Variants in GMDS observed in about 807,000 individuals in gnomAD.
GMDS encodes GDP-mannose 4,6 dehydratase.
Under a neutral mutation model 49.9 loss-of-function variants are expected in GMDS, and 20 were observed. The ratio of observed to expected loss-of-function variants is 0.40; its 90% CI spans 0.28 to 0.58. GMDS has a LOEUF of 0.58. GMDS is among the 20% of genes least tolerant of loss of function. The pLI, the probability that GMDS is intolerant of heterozygous loss-of-function variation, is 0.42. For synonymous variants in GMDS, 177 were observed against 178.6 expected (o/e 0.99, Z 0.07); for missense variants, 362 against 481.4 (o/e 0.75, Z 2.32).
intron 7 of GMDS, among the ~76,000 whole-genome samples, chr6:1,832,221 T>A (rs1756681269): frequency 1.3e-5 from 2 of 150,958 alleles, no homozygotes; most frequent in African/African-American, 2.4e-5. Context: ...CAAGACCCCA[T>A]CTCTACAAAA....
At chr6:2,215,319 A>G (rs910790093) in intron 1 of GMDS, among the ~76,000 whole-genome samples, 2 of 152,192 alleles carry the variant, frequency 1.3e-5, no homozygotes, top group African/African-American at 4.8e-5. Context: ...TGGGTAATTT[A>G]TGAAGAAAAA....
chr6:2,124,370 C>T (rs1775301906), intron 2 of GMDS, among the ~76,000 whole-genome samples: 1 of 152,188 alleles, frequency 6.6e-6, no homozygotes, highest in African/African-American at 2.4e-5. Context: ...TCTTATGAAA[C>T]ACATTACATC....
chr6:1,647,601 C>CA (rs1763525795), intron 9 of GMDS, among the ~76,000 whole-genome samples: 1 of 152,204 alleles, frequency 6.6e-6, no homozygotes, highest in Admixed American at 6.5e-5. Flanking sequence ...CAAGGGGACA[C>CA]AGACACATAT....
chr6:2,185,037 G>A (rs148964158), intron 1 of GMDS, among the ~76,000 whole-genome samples: 21 of 152,290 alleles, frequency 1.4e-4, no homozygotes, highest in African/African-American at 2.2e-4. Context: ...CAGGGCTCAC[G>A]TTCTATGGTG....
At chr6:2,199,400 T>C (rs12528102) in intron 1 of GMDS, among the ~76,000 whole-genome samples, 27,546 of 152,128 alleles carry the variant, frequency 0.18, 2,797 homozygotes, top group Middle Eastern at 0.23. Context: ...TGTCATTCCA[T>C]TGGCTTCCCA....
chr6:1,687,839 G>C (rs1346030351), intron 9 of GMDS, among the ~76,000 whole-genome samples: 1 of 152,132 alleles, frequency 6.6e-6, no homozygotes, highest in Admixed American at 6.5e-5. Context: ...GAGGGCATGG[G>C]GGTAAGAGGG....
chr6:1,875,490 C>T (rs921260147), intron 7 of GMDS, among the ~76,000 whole-genome samples: 2 of 152,154 alleles, frequency 1.3e-5, no homozygotes, highest in African/African-American at 2.4e-5. Context: ...AAACCCACAG[C>T]ACTATATATT....
At chr6:1,779,390 G>A (rs763095107) in intron 7 of GMDS, among the ~76,000 whole-genome samples, 3 of 152,184 alleles carry the variant, frequency 2.0e-5, no homozygotes, top group Non-Finnish European at 4.4e-5. Context: ...CAGATCAGGT[G>A]AATTAACAGC....
intron 1 of GMDS, among the ~76,000 whole-genome samples, chr6:2,144,275 G>A (rs1298225466): frequency 6.6e-6 from 1 of 152,260 alleles, no homozygotes; most frequent in East Asian, 1.9e-4. Context: ...GTCACAAGAG[G>A]CCACACAGTA....
At chr6:1,645,487 C>T (rs759989923) in intron 9 of GMDS, among the ~76,000 whole-genome samples, 10 of 152,218 alleles carry the variant, frequency 6.6e-5, no homozygotes, top group South Asian at 2.1e-4. Flanking sequence ...TGCCCGGGGA[C>T]GCTCACCCTG....
chr6:2,239,949 T>C (rs1581847137), intron 1 of GMDS, among the ~76,000 whole-genome samples: 1 of 152,182 alleles, frequency 6.6e-6, no homozygotes, highest in African/African-American at 2.4e-5. Flanking sequence ...GAGGCCCGCC[T>C]CAGCCTCCCA....
chr6:2,043,911 A>AACAG (rs1769839677), intron 4 of GMDS, among the ~76,000 whole-genome samples: 1 of 152,194 alleles, frequency 6.6e-6, no homozygotes, highest in Non-Finnish European at 1.5e-5. Context: ...AAAGGACATG[A>AACAG]ACAGACACTT....
At chr6:1,747,746 G>A (rs1767567505) in intron 7 of GMDS, among the ~76,000 whole-genome samples, 1 of 152,034 alleles carries the variant, frequency 6.6e-6, no homozygotes, top group Admixed American at 6.6e-5. Flanking sequence ...TATTCTTTGT[G>A]GAATTCACAT....
chr6:1,642,676 G>A (rs776962904), intron 9 of GMDS, among the ~76,000 whole-genome samples: 16 of 152,134 alleles, frequency 1.1e-4, no homozygotes, highest in Non-Finnish European at 2.1e-4. Flanking sequence ...CATAACAGAC[G>A]TGGAGTAATA....
At chr6:1,867,932 C>A (rs982267318) in intron 7 of GMDS, among the ~76,000 whole-genome samples, 2 of 151,850 alleles carry the variant, frequency 1.3e-5, no homozygotes, top group Non-Finnish European at 2.9e-5. Context: ...GTGCTTCCCC[C>A]AACAGATGAT....
chr6:1,804,911 T>C (rs1161525821), intron 7 of GMDS, among the ~76,000 whole-genome samples: 1 of 152,208 alleles, frequency 6.6e-6, no homozygotes, highest in Non-Finnish European at 1.5e-5. Flanking sequence ...TTCCAAGGGC[T>C]TCAAAAGAAT....
intron 7 of GMDS, among the ~76,000 whole-genome samples, chr6:1,886,894 T>C (rs1759633323): frequency 6.6e-6 from 1 of 152,230 alleles, no homozygotes; most frequent in Non-Finnish European, 1.5e-5. Flanking sequence ...CTCTTAGCAT[T>C]TTTACTCTGA....
At chr6:1,927,517 C>T (rs540976025) in intron 7 of GMDS, among the ~76,000 whole-genome samples, 6 of 152,368 alleles carry the variant, frequency 3.9e-5, no homozygotes, top group East Asian at 3.9e-4. Context: ...TCACTGAACA[C>T]GACCTTTTTG....
At chr6:2,079,025 T>TTTC (rs1482718486) in intron 4 of GMDS, among the ~76,000 whole-genome samples, 2 of 131,664 alleles carry the variant, frequency 1.5e-5, no homozygotes, top group African/African-American at 7.4e-5. Flanking sequence ...TTGTCTTTTT[T>TTTC]TTTTTTTTTT....
Sources: gnomAD v4.1 joint callset for allele counts (sites outside exome capture counted in the v4.1 genomes callset) on GRCh38, gnomAD v4.1.1 for gene constraint, MANE v1.5 for transcripts, NCBI Gene and HGNC (gene_info 2026-07-23, HGNC 2026-07-21) for gene names.